The following ENOX1 variants were observed in gnomAD, a reference collection of about 807,000 sequenced individuals.
ENOX1 encodes the protein candidate growth-related and time keeping constitutive hydroquinone (NADH) oxidase.
In ENOX1, 42 loss-of-function variants were observed where a neutral mutation model predicts 82.5. The ratio of observed to expected loss-of-function variants is 0.51; its 90% CI spans 0.40 to 0.66. The LOEUF is 0.66. ENOX1 is among the 30% of genes least tolerant of loss of function. The probability of loss-of-function intolerance (pLI) is 0.00; values close to 1 mark genes in which losing one functional copy is unlikely to be tolerated. For missense variants in ENOX1, 608 were observed against 811.6 expected (o/e 0.75, Z 3.05); for synonymous variants, 271 against 282.2 (o/e 0.96, Z 0.40).
At chr13:43,543,678 A>C (rs2078843778) in intron 2 of ENOX1, among the ~76,000 whole-genome samples, 1 of 149,608 alleles carries the variant, frequency 6.7e-6, no homozygotes, top group Non-Finnish European at 1.5e-5. Context: ...AGAAAAAAAA[A>C]CCCTTGCTTC....
intron 3 of ENOX1, among the ~76,000 whole-genome samples, chr13:43,436,044 C>A (rs571569001): frequency 5.3e-5 from 8 of 152,160 alleles, no homozygotes; most frequent in African/African-American, 1.9e-4. Context: ...TTGGAGGCTG[C>A]TGAAAGGACA....
intron 1 of ENOX1, among the ~76,000 whole-genome samples, chr13:43,772,977 T>TC (rs1443780694): frequency 6.6e-6 from 1 of 152,088 alleles, no homozygotes; most frequent in Non-Finnish European, 1.5e-5. Flanking sequence ...GAGGATTTTG[T>TC]CCCCCTTACA....
chr13:43,490,256 A>C (rs144555026), intron 2 of ENOX1, among the ~76,000 whole-genome samples: 1 of 152,250 alleles, frequency 6.6e-6, no homozygotes, highest in African/African-American at 2.4e-5. Context: ...CATCGTATTA[A>C]TATTTTAGAA....
intron 5 of ENOX1, 62 bp from the exon 6 acceptor site, chr13:43,361,514 G>C (rs2050505439): frequency 1.3e-6 from 2 of 1,493,628 alleles, no homozygotes; most frequent in South Asian, 1.3e-5. Context: ...TGTTGTTTTT[G>C]CCATTTTCCT....
intron 11 of ENOX1, among the ~76,000 whole-genome samples, chr13:43,314,856 T>C (rs1365074562): frequency 6.6e-6 from 1 of 152,238 alleles, no homozygotes; most frequent in Non-Finnish European, 1.5e-5. Flanking sequence ...ATGCTTTTAA[T>C]AACCTCAGGA....
intron 1 of ENOX1, among the ~76,000 whole-genome samples, chr13:43,775,251 A>C (rs1951849614): frequency 6.6e-6 from 1 of 152,084 alleles, no homozygotes; most frequent in Non-Finnish European, 1.5e-5. Context: ...TCTGTGTTCA[A>C]GCAATCCTCC....
intron 1 of ENOX1, among the ~76,000 whole-genome samples, chr13:43,709,649 T>G (rs2087556133): frequency 6.6e-6 from 1 of 151,990 alleles, no homozygotes; most frequent in South Asian, 2.1e-4. Context: ...AAGCTAGTTC[T>G]TGGGAAAGAT....
intron 14 of ENOX1, among the ~76,000 whole-genome samples, chr13:43,251,846 T>G (rs1219654995): frequency 1.3e-5 from 2 of 152,208 alleles, no homozygotes; most frequent in Non-Finnish European, 2.9e-5. Context: ...TATTCCATTT[T>G]CACCAAGGGG....
At chr13:43,685,038 C>T (rs2085993980) in intron 1 of ENOX1, among the ~76,000 whole-genome samples, 1 of 152,126 alleles carries the variant, frequency 6.6e-6, no homozygotes, top group Admixed American at 6.6e-5. Context: ...TTCTTTTTGG[C>T]CTTACTGTGT....
Position 43,784,617 on chromosome 13 carries a change from T to C in ENOX1, c.-285+2035A>G, listed in dbSNP as rs963641239. 2.6e-5 allele frequency among the ~76,000 whole-genome samples: 4 copies of C among 152,242 alleles called. 1 individual carries two copies. Among genetic ancestry groups the C allele is most frequent in the South Asian group, 4.1e-4 (2 of 4,836 alleles). ...TAAATTTTATTCATCTTAAAAATAA[T>C]TGAATTGTTCTCCATGGAATAGCCT... is the stretch of plus-strand genomic sequence containing the variant. On this transcript the variant is annotated intron_variant, in intron 1 of 16. Coordinates refer to ENST00000690772, the MANE Select transcript of ENOX1 (RefSeq NM_001347969.2).
At chr13:43,340,734 T>C (rs9567154) in intron 9 of ENOX1, among the ~76,000 whole-genome samples, 33,590 of 152,194 alleles carry the variant, frequency 0.22, 4,655 homozygotes, top group East Asian at 0.58. Flanking sequence ...ATGATGCTAA[T>C]ATCAATGCCA....
intron 2 of ENOX1, among the ~76,000 whole-genome samples, chr13:43,542,576 CA>C (rs2078789995): frequency 6.6e-6 from 1 of 152,052 alleles, no homozygotes; most frequent in Non-Finnish European, 1.5e-5. Flanking sequence ...GCTGGGATTA[CA>C]GGCACCTGCC....
chr13:43,224,580 C>A (rs904126157), intron 15 of ENOX1, among the ~76,000 whole-genome samples: 1 of 152,156 alleles, frequency 6.6e-6, no homozygotes, highest in African/African-American at 2.4e-5. Flanking sequence ...CTGATAATTA[C>A]AATTGCTAGA....
intron 3 of ENOX1, among the ~76,000 whole-genome samples, chr13:43,447,769 T>A (rs1047148912): frequency 8.5e-5 from 13 of 152,138 alleles, no homozygotes; most frequent in African/African-American, 3.1e-4. Context: ...GAAGTTATAT[T>A]TTGTATTTAT....
intron 3 of ENOX1, among the ~76,000 whole-genome samples, chr13:43,438,886 C>T (rs2056190689): frequency 6.6e-6 from 1 of 152,100 alleles, no homozygotes; most frequent in Non-Finnish European, 1.5e-5. Context: ...CTGTAGTATA[C>T]AGTCGATCCA....
At chr13:43,659,697 G>A (rs2084626498) in intron 2 of ENOX1, among the ~76,000 whole-genome samples, 1 of 152,102 alleles carries the variant, frequency 6.6e-6, no homozygotes, top group South Asian at 2.1e-4. Flanking sequence ...ATTTATTTTA[G>A]AATTGTTCTG....
chr13:43,738,690 A>G (rs1191085767), intron 1 of ENOX1, among the ~76,000 whole-genome samples: 1 of 151,602 alleles, frequency 6.6e-6, no homozygotes, highest in Non-Finnish European at 1.5e-5. Context: ...AGTTATTTAC[A>G]GTGATATTTG....
chr13:43,550,306 TG>T (rs2079139608), intron 2 of ENOX1, among the ~76,000 whole-genome samples: 1 of 152,178 alleles, frequency 6.6e-6, no homozygotes, highest in Non-Finnish European at 1.5e-5. Context: ...TAATATGAGC[TG>T]TGTGAGGCAT....
intron 1 of ENOX1, among the ~76,000 whole-genome samples, chr13:43,718,676 C>CAAAAAAA (rs61671392): frequency 7.0e-4 from 39 of 55,590 alleles, no homozygotes; most frequent in African/African-American, 1.7e-3. Flanking sequence ...GACTCCGTCT[C>CAAAAAAA]AAAAAAAAAA....
Sources: gnomAD v4.1 joint callset for allele counts (sites outside exome capture counted in the v4.1 genomes callset) on GRCh38, gnomAD v4.1.1 for gene constraint, MANE v1.5 for transcripts, NCBI Gene and HGNC (gene_info 2026-07-23, HGNC 2026-07-21) for gene names.